The following ANGPT1 variants were observed in gnomAD, a reference collection of about 807,000 sequenced individuals.
ANGPT1 encodes the protein angiopoietin-1.
In ANGPT1, 17 loss-of-function variants were observed where a neutral mutation model predicts 62.2. The ratio of observed to expected loss-of-function variants is 0.27; its 90% CI spans 0.19 to 0.41. ANGPT1 has a LOEUF of 0.41. ANGPT1 is among the 10% of genes least tolerant of loss of function. The pLI, the probability that ANGPT1 is intolerant of heterozygous loss-of-function variation, is 1.00. For missense variants in ANGPT1, 478 were observed against 594.9 expected (o/e 0.80, Z 2.04); for synonymous variants, 199 against 198.9 (o/e 1.00, Z 0.00).
intron 4 of ANGPT1, among the ~76,000 whole-genome samples, chr8:107,311,079 G>A (rs1307691578): frequency 6.6e-6 from 1 of 151,340 alleles, no homozygotes; most frequent in Non-Finnish European, 1.5e-5. Flanking sequence ...CAAGAAATTG[G>A]ATCATTGAAA....
At chr8:107,259,661 T>A (rs1382118827) in intron 8 of ANGPT1, among the ~76,000 whole-genome samples, 1 of 152,134 alleles carries the variant, frequency 6.6e-6, no homozygotes. Flanking sequence ...AACGGTAACA[T>A]ATTTGTTTTT....
At chr8:107,347,130 T>C (rs772604905) in intron 1 of ANGPT1, 33 bp from the exon 2 acceptor site, 5 of 1,584,968 alleles carry the variant, frequency 3.2e-6, no homozygotes, top group Non-Finnish European at 4.3e-6. Context: ...CATATTACAT[T>C]ATAAGCAAGG....
At chr8:107,345,748 G>A (rs193294322) in intron 2 of ANGPT1, among the ~76,000 whole-genome samples, 1 of 152,224 alleles carries the variant, frequency 6.6e-6, no homozygotes, top group African/African-American at 2.4e-5. Flanking sequence ...ATTAGATAAA[G>A]TCTTGTAATT....
chr8:107,469,553 G>T (rs1415508123), intron 1 of ANGPT1, among the ~76,000 whole-genome samples: 3 of 151,956 alleles, frequency 2.0e-5, no homozygotes, highest in African/African-American at 7.2e-5. Context: ...TCTATGACAG[G>T]CTTTGTTATA....
intron 1 of ANGPT1, among the ~76,000 whole-genome samples, chr8:107,446,305 A>G (rs1158625005): frequency 6.6e-6 from 1 of 152,234 alleles, no homozygotes; most frequent in African/African-American, 2.4e-5. Context: ...ATATTTTTGT[A>G]GTAAGTATTT....
intron 7 of ANGPT1, among the ~76,000 whole-genome samples, chr8:107,282,552 C>CTA (rs1814036865): frequency 7.7e-5 from 2 of 25,884 alleles, no homozygotes; most frequent in Admixed American, 5.1e-4. Context: ...CATATATGAA[C>CTA]CATATATATA....
chr8:107,293,234 T>C (rs1472349076), intron 6 of ANGPT1, among the ~76,000 whole-genome samples: 1 of 150,998 alleles, frequency 6.6e-6, no homozygotes, highest in African/African-American at 2.5e-5. Context: ...ATGATGATGA[T>C]GATGCCTGCT....
At chr8:107,370,700 C>CAAAAA (rs71308729) in intron 1 of ANGPT1, among the ~76,000 whole-genome samples, 147 of 75,556 alleles carry the variant, frequency 1.9e-3, no homozygotes, top group East Asian at 2.9e-3. Flanking sequence ...AAGACTCTGT[C>CAAAAA]AAAAAAAAAA....
chr8:107,384,415 G>T (rs961701819), intron 1 of ANGPT1, among the ~76,000 whole-genome samples: 10 of 151,682 alleles, frequency 6.6e-5, no homozygotes, highest in African/African-American at 2.2e-4. Context: ...AATCAGGAAG[G>T]ATATTACATG....
intron 7 of ANGPT1, among the ~76,000 whole-genome samples, chr8:107,272,718 T>C (rs1233584677): frequency 6.7e-6 from 1 of 150,316 alleles, no homozygotes. Context: ...TGCTCTCTAT[T>C]CTGTACATCA....
chr8:107,408,671 G>A (rs771742964), intron 1 of ANGPT1, among the ~76,000 whole-genome samples: 3 of 152,168 alleles, frequency 2.0e-5, no homozygotes, highest in Non-Finnish European at 4.4e-5. Context: ...GAATTTTGGA[G>A]TAGACACAAG....
intron 1 of ANGPT1, among the ~76,000 whole-genome samples, chr8:107,380,866 TA>T (rs1461248765): frequency 6.6e-6 from 1 of 152,178 alleles, no homozygotes; most frequent in East Asian, 1.9e-4. Flanking sequence ...ACCACTCTCT[TA>T]CCTGTGTTTG....
intron 4 of ANGPT1, among the ~76,000 whole-genome samples, chr8:107,310,931 G>A (rs1814836421): frequency 7.8e-6 from 1 of 127,720 alleles, no homozygotes; most frequent in Non-Finnish European, 1.7e-5. Flanking sequence ...GTATGTGTTA[G>A]TGTGAGTGTG....
intron 4 of ANGPT1, 64 bp downstream of exon 4, chr8:107,321,832 G>A: frequency 3.6e-6 from 5 of 1,390,312 alleles, no homozygotes; most frequent in East Asian, 2.3e-5. Context: ...AAGCTATATT[G>A]AGTATTTACT....
At chr8:107,470,267 T>C (rs1011267782) in intron 1 of ANGPT1, among the ~76,000 whole-genome samples, 3 of 152,106 alleles carry the variant, frequency 2.0e-5, no homozygotes, top group African/African-American at 7.2e-5. Flanking sequence ...AAAAATTCTA[T>C]ATATCCTAAG....
intron 1 of ANGPT1, among the ~76,000 whole-genome samples, chr8:107,371,549 C>T (rs80113947): frequency 0.041 from 6,191 of 149,896 alleles, 334 homozygotes; most frequent in African/African-American, 0.13. Context: ...TTCTTCAATC[C>T]CCTCTCTCTT....
chr8:107,470,277 G>GCTTT (rs1325557591), intron 1 of ANGPT1, among the ~76,000 whole-genome samples: 8 of 152,056 alleles, frequency 5.3e-5, no homozygotes, highest in African/African-American at 1.7e-4. Flanking sequence ...TATATCCTAA[G>GCTTT]CTTTCTTACT....
intron 3 of ANGPT1, among the ~76,000 whole-genome samples, chr8:107,323,561 A>C (rs1467063477): frequency 1.3e-5 from 2 of 152,164 alleles, no homozygotes; most frequent in Non-Finnish European, 2.9e-5. Context: ...GTGTGGGTCC[A>C]AGGCTTAAAT....
intron 1 of ANGPT1, among the ~76,000 whole-genome samples, chr8:107,476,821 C>A (rs565146019): frequency 6.1e-4 from 93 of 152,244 alleles, no homozygotes; most frequent in South Asian, 1.5e-3. Context: ...GTTCTAAAAT[C>A]CTAGTATTAT....
Sources: gnomAD v4.1 joint callset for allele counts (sites outside exome capture counted in the v4.1 genomes callset) on GRCh38, gnomAD v4.1.1 for gene constraint, MANE v1.5 for transcripts, NCBI Gene and HGNC (gene_info 2026-07-23, HGNC 2026-07-21) for gene names.